Variants in ATG9B observed in about 807,000 individuals in gnomAD.
The protein encoded by ATG9B is autophagy related 9B.
Under a neutral mutation model 92.9 loss-of-function variants are expected in ATG9B, and 92 were observed. The observed-to-expected ratio is 0.99, with a 90% CI of 0.84 to 1.18. The LOEUF is 1.18. Ranked by LOEUF, ATG9B falls within the 50% of genes most tolerant of loss-of-function variation. The pLI, the probability that ATG9B is intolerant of heterozygous loss-of-function variation, is 0.00. For missense variants in ATG9B, 1,344 were observed against 1,235.0 expected (o/e 1.09, Z -1.32); for synonymous variants, 599 against 551.4 (o/e 1.09, Z -1.21).
intron 9 of ATG9B, 43 bp downstream of exon 9, chr7:151,016,993 T>C: frequency 6.5e-7 from 1 of 1,541,228 alleles, no homozygotes; most frequent in Non-Finnish European, 8.8e-7. Flanking sequence ...GGAGAGGAGT[T>C]GTGGGGGTGA....
chr7:151,019,239 A>G lies in ATG9B; in HGVS notation c.1099T>C (p.Tyr367His). 6.4e-7 allele frequency: 1 copy of G among 1,557,568 alleles called. No individual in the cohort carries two copies. Among genetic ancestry groups the G allele is most frequent in the Non-Finnish European group, 8.6e-7 (1 of 1,157,700 alleles). The change falls in exon 6 of 14, where the codon TAC (tyrosine) becomes CAC (histidine). Residue 367 changes from tyrosine to histidine, a missense_variant. By Grantham distance (83) the Tyr-to-His change is moderately conservative. Coordinates refer to ENST00000639579, the MANE Select transcript of ATG9B (RefSeq NM_001317056.2). ...CCTTTGTTGGCCAGCGCCACCTGGT[A>G]GTTGGTGTAGCGCAGGATGCGGTGG... ...IHHRILRYTN[Y>H]QVALANKGLL...
downstream of ATG9B, chr7:151,012,565 G>A: frequency 6.9e-7 from 1 of 1,444,912 alleles, no homozygotes; most frequent in Non-Finnish European, 9.4e-7. Flanking sequence ...GAAAGAGAGG[G>A]CAGGAAACAA....
rs140459049 is a variant in ATG9B, at chr7:151,022,189, G to C, written c.821+856C>G. ...GTGAAGGCAACAATGAAAATGAATCGTCTGCTGGGAGGGAGGAGGGTGTAG... is the reference window on the plus strand; with the variant it reads ...GTGAAGGCAACAATGAAAATGAATCCTCTGCTGGGAGGGAGGAGGGTGTAG... On this transcript the variant is annotated intron_variant, in intron 4 of 13. Transcript: ENST00000639579. Among the ~76,000 whole-genome samples the C allele has an allele frequency of 4.7e-5, 7 of 148,600 alleles. 1 individual carries two copies. The highest frequency in any genetic ancestry group is 2.7e-4 in the Admixed American group (4 of 15,038).
At chr7:151,022,983 C>T (rs1795805987) in intron 4 of ATG9B, 62 bp downstream of exon 4, 7 of 1,597,094 alleles carry the variant, frequency 4.4e-6, no homozygotes, top group Non-Finnish European at 6.0e-6. Flanking sequence ...GTGGGGCTCC[C>T]GTCTACTCCT....
At chr7:151,016,593 C>T (rs1795497935) in intron 10 of ATG9B, 66 bp from the exon 11 acceptor site, 5 of 1,544,800 alleles carry the variant, frequency 3.2e-6, no homozygotes, top group African/African-American at 1.4e-5. Context: ...GAGGACTCCC[C>T]TTCTGAATCC....
chr7:151,021,056 G>T (rs1432373176), intron 5 of ATG9B, 132 bp downstream of exon 5: 6 of 1,059,450 alleles, frequency 5.7e-6, no homozygotes, highest in South Asian at 4.4e-5. Flanking sequence ...GCCTAGGGCA[G>T]GTGTCAATAA....
rs772860723 is a variant in ATG9B at position 151,023,206 on chromosome 7, T to C, written c.660A>G (p.Gly220=). The change falls in exon 4 of 14, where the codon GGA becomes GGG. Residue 220 remains glycine (G), a splice_region_variant and synonymous_variant. Transcript: ENST00000639579. The part of the protein sequence containing the change: ...CILLEDVFQL[G]QFIFIVTFTT... ...TGAAGGTGACAATGAAAATAAATTG[T>C]CTGCCGGGAGGAAGGGGGGGTGCCG... The C allele has an allele frequency of 6.2e-6, 10 of 1,614,030 alleles. No homozygotes were observed. The highest frequency in any genetic ancestry group is 2.5e-6 in the Non-Finnish European group (3 of 1,180,030).
In ATG9B at chr7:151,017,949, G is replaced by A. The variant is rs753042349; in HGVS notation, c.1974C>T (p.His658=). Residue 658 remains histidine (H), a synonymous_variant, in exon 8 of 14, where the codon CAC becomes CAT. Coordinates refer to ENST00000639579, the MANE Select transcript of ATG9B (RefSeq NM_001317056.2). Reference sequence around the variant, plus strand: ...CAACCCCAGCCACATCCACAGTGAAGTGATGAAAAAAGTCGATAATCTCCA... The same window carrying A: ...CAACCCCAGCCACATCCACAGTGAAATGATGAAAAAAGTCGATAATCTCCA... ...RALEIIDFFH[H]FTVDVAGVGD... is the part of the protein sequence containing the mutation. The A allele has an allele frequency of 6.2e-7, 1 of 1,609,452 alleles. No individual in the cohort carries two copies. Among genetic ancestry groups the A allele is most frequent in the Non-Finnish European group, 8.5e-7 (1 of 1,177,748 alleles).
rs766690623 is a variant in ATG9B, at chr7:151,016,528, C to T, written c.2424-1G>A. 7 of 1,550,436 alleles carry T rather than the reference C, an allele frequency of 4.5e-6. No individual in the cohort carries two copies. In the South Asian group the frequency reaches 4.8e-5, roughly 11 times the overall value. ...CCCAGTGCCTCCTGGGGACACAGAGCTGGAACATAACATGAAGCAGGTCAA... is the reference window on the plus strand; with the variant it reads ...CCCAGTGCCTCCTGGGGACACAGAGTTGGAACATAACATGAAGCAGGTCAA... On this transcript the variant is annotated splice_acceptor_variant, in intron 10 of 13. Coordinates refer to ENST00000639579, the MANE Select transcript of ATG9B (RefSeq NM_001317056.2). LOFTEE classifies it high-confidence loss of function.
At chr7:151,020,837 C>G (rs1348621967) in intron 5 of ATG9B, 2 of 226,020 alleles carry the variant, frequency 8.8e-6, no homozygotes, top group Non-Finnish European at 1.8e-5. Flanking sequence ...CTCCCCTCCC[C>G]TCCTGTCCTG....
At chr7:151,021,840 A>G (rs113089549) in intron 4 of ATG9B, among the ~76,000 whole-genome samples, 2,237 of 149,900 alleles carry the variant, frequency 0.015, 23 homozygotes, top group Non-Finnish European at 0.022. Context: ...TAGTAGAGAC[A>G]GGGTTTCACC....
At chr7:151,013,063 G>A (rs1228262387), downstream of ATG9B, 13 of 723,068 alleles carry the variant, frequency 1.8e-5, no homozygotes, top group Non-Finnish European at 2.9e-5. Flanking sequence ...GGCTGTGCAG[G>A]GTCTCTGTGA....
chr7:151,012,668 C>G, downstream of ATG9B: 2 of 578,538 alleles, frequency 3.5e-6, no homozygotes, highest in South Asian at 4.6e-5. Flanking sequence ...TTCCTGGTGC[C>G]TGGTACATAG....
rs3918219 is a variant in ATG9B at position 151,016,182 on chromosome 7, G to C, written c.2574C>G (p.Ile858Met). The stretch of plus-strand genomic sequence containing the variant: ...AGGGGCTGGAGCAGGGCCTGGACAG[G>C]ATGGAGGCTGCAGCCTCACCCCACG... ...QEPWGEAAAS[I>M]LSRPCSSPSQ... Residue 858 changes from isoleucine to methionine, a missense_variant, in exon 12 of 14, where the codon ATC (isoleucine) becomes ATG (methionine). Transcript: ENST00000639579. 2.5e-3 allele frequency: 3,765 copies of C among 1,528,222 alleles called. 94 individuals carry two copies. In the African/African-American group the frequency reaches 0.046, roughly 19 times the overall value. The allele number at this position is 1,528,222 out of a possible 1,614,324, so 94.7% of individuals were successfully genotyped here.
chr7:151,015,520 C>T lies in ATG9B; in HGVS notation c.*208G>A, dbSNP rs1304068622. ...CTCTGGGTGCAGACCATCTCTAAGA[C>T]TTGTTTCCAGATGCCATCAGCATCT... On this transcript the variant is annotated 3_prime_UTR_variant, in exon 14 of 14. Transcript: ENST00000639579. 5.5e-6 allele frequency: 1 copy of T among 182,922 alleles called. No homozygotes were observed. Among genetic ancestry groups the T allele is most frequent in the African/African-American group, 2.4e-5 (1 of 42,340 alleles). The allele number at this position is 182,922 out of a possible 1,614,324, so 11.3% of individuals were successfully genotyped here. A position where few individuals can be genotyped will look rare whatever the true frequency, so the allele number is the denominator to read the frequency against.
At chr7:151,014,256 CTT>C, downstream of ATG9B, 1 of 1,334,772 alleles carries the variant, frequency 7.5e-7, no homozygotes, top group Non-Finnish European at 1.0e-6. Context: ...CTCCTCCCCT[CTT>C]GAGGTGGTGC....
downstream of ATG9B, chr7:151,014,501 C>T: frequency 6.2e-6 from 2 of 321,144 alleles, no homozygotes; most frequent in Non-Finnish European, 5.7e-6. Context: ...AAAGTCTAAT[C>T]TCTAAATCAA....
rs780214873 is a variant in ATG9B, at chr7:151,021,308, C to G, written c.843G>C (p.Leu281=). The G allele has an allele frequency of 4.3e-6, 7 of 1,611,904 alleles. No homozygotes were observed. The highest frequency in any genetic ancestry group is 1.3e-5 in the African/African-American group (1 of 74,992). The stretch of plus-strand genomic sequence containing the variant: ...CGGCAGCCAGGACCAGGAGGAGGAC[C>G]AGCAGCGGGCTGGAGCGGATCCTGT... ...CAERIRSSPL[L]VLLLVLAAGF... The change falls in exon 5 of 14, where the codon CTG becomes CTC. Residue 281 remains leucine, a synonymous_variant. Coordinates refer to ENST00000639579, the MANE Select transcript of ATG9B (RefSeq NM_001317056.2).
rs374715533 is a variant in ATG9B at position 151,018,010 on chromosome 7, G to C, written c.1913C>G (p.Pro638Arg). 3.1e-6 allele frequency: 5 copies of C among 1,601,566 alleles called. No individual in the cohort carries two copies. The African/African-American group carries it at 5.3e-5, about 17-fold the overall frequency. The change falls in exon 8 of 14, where the codon CCG becomes CGG. Residue 638 changes from proline (P) to arginine (R), a missense_variant. Coordinates refer to ENST00000639579, the MANE Select transcript of ATG9B (RefSeq NM_001317056.2). This position sits in a 1 kb window ranked among gnomAD's most constrained non-coding sequence, Gnocchi z 4.7. ...GCGGAACCAGAAAAGCAGAAACAGC[G>C]GGGTGAGGAGCGGGGACAGGAGCTC... is the stretch of plus-strand genomic sequence containing the variant. ...LEELLSPLLT[P>R]LFLLFWFRPR... is the part of the protein sequence containing the mutation.
Sources: gnomAD v4.1 joint callset for allele counts (sites outside exome capture counted in the v4.1 genomes callset) on GRCh38, gnomAD v4.1.1 for gene constraint, Gnocchi (gnomAD v3.1) non-coding constraint, MANE v1.5 for transcripts, NCBI Gene and HGNC (gene_info 2026-07-23, HGNC 2026-07-21) for gene names.